LPXN: variants seen among roughly 807,000 people sequenced by gnomAD.
LPXN encodes the protein leupaxin.
Under a neutral mutation model 45.6 loss-of-function variants are expected in LPXN, and 28 were observed. The ratio of observed to expected loss-of-function variants is 0.61; its 90% CI spans 0.45 to 0.84. LPXN has a LOEUF of 0.84. LPXN is among the 40% of genes least tolerant of loss of function. The probability of loss-of-function intolerance (pLI) is 0.00; values close to 1 mark genes in which losing one functional copy is unlikely to be tolerated. For missense variants in LPXN, 459 were observed against 475.0 expected (o/e 0.97, Z 0.31); for synonymous variants, 166 against 169.9 (o/e 0.98, Z 0.18).
chr11:58,529,195 C>T (rs1283228676), intron 7 of LPXN, among the ~76,000 whole-genome samples: 1 of 152,066 alleles, frequency 6.6e-6, no homozygotes, highest in African/African-American at 2.4e-5. Flanking sequence ...ATCTGAATGA[C>T]TTACACATGT....
Position 58,566,669 on chromosome 11 carries a change from C to T in LPXN, c.172-2468G>A, listed in dbSNP as rs561247016. On this transcript the variant is annotated intron_variant, in intron 2 of 8. Transcript: ENST00000395074. ...CTTTTGATTTGTTCAACTCCTTCTT[C>T]GCTTTTGTAGGGAGAAATTTGAGCT... 5.1e-4 allele frequency among the ~76,000 whole-genome samples: 78 copies of T among 152,280 alleles called. 1 individual carries two copies. The highest frequency in any genetic ancestry group is 1.2e-3 in the Admixed American group (18 of 15,294).
chr11:58,550,548 C>T (rs1194266744), intron 5 of LPXN, among the ~76,000 whole-genome samples: 1 of 152,220 alleles, frequency 6.6e-6, no homozygotes, highest in African/African-American at 2.4e-5. Flanking sequence ...CTTTATTCCA[C>T]GCCCCATGCA....
At chr11:58,527,949 G>A in intron 8 of LPXN, 94 bp downstream of exon 8, 1 of 1,403,928 alleles carries the variant, frequency 7.1e-7, no homozygotes, top group Non-Finnish European at 9.8e-7. Context: ...TCCTCATTCA[G>A]GACTGTGAAC....
chr11:58,563,222 T>C (rs73470713), intron 3 of LPXN, among the ~76,000 whole-genome samples: 2,686 of 152,268 alleles, frequency 0.018, 91 homozygotes, highest in African/African-American at 0.061. Context: ...TGTTTTTATT[T>C]TTCATTGGGG....
chr11:58,534,283 G>A (rs769124151), intron 7 of LPXN, among the ~76,000 whole-genome samples: 20 of 152,004 alleles, frequency 1.3e-4, no homozygotes, highest in Non-Finnish European at 2.2e-4. Flanking sequence ...AGTAAAACAC[G>A]CCTCAGCAAA....
chr11:58,573,588 A>G (rs1004855286), intron 1 of LPXN, among the ~76,000 whole-genome samples: 2 of 152,190 alleles, frequency 1.3e-5, no homozygotes, highest in Admixed American at 1.3e-4. Context: ...CTGGGTCATG[A>G]GTTATAGGCT....
chr11:58,534,434 A>T (rs1423187723), intron 7 of LPXN, among the ~76,000 whole-genome samples: 2 of 152,182 alleles, frequency 1.3e-5, no homozygotes, highest in African/African-American at 4.8e-5. Flanking sequence ...CTGGGTAAAT[A>T]AAAAAATTAA....
chr11:58,538,129 TC>T (rs1423480472), intron 7 of LPXN, among the ~76,000 whole-genome samples: 1 of 152,130 alleles, frequency 6.6e-6, no homozygotes, highest in African/African-American at 2.4e-5. Context: ...TGCACAGTAT[TC>T]CATGGTGTAT....
At chr11:58,531,069 A>G (rs1486524574) in intron 7 of LPXN, among the ~76,000 whole-genome samples, 5 of 152,182 alleles carry the variant, frequency 3.3e-5, no homozygotes, top group African/African-American at 1.2e-4. Context: ...TTCAAAGACC[A>G]AACGTAGAAA....
At chr11:58,534,863 A>T (rs1590755225) in intron 7 of LPXN, among the ~76,000 whole-genome samples, 1 of 152,234 alleles carries the variant, frequency 6.6e-6, no homozygotes, top group East Asian at 1.9e-4. Flanking sequence ...ACAGAAATAC[A>T]AACTACAATC....
At chr11:58,577,993 A>G, upstream of LPXN, 1 of 1,550,268 alleles carries the variant, frequency 6.5e-7, no homozygotes, top group South Asian at 1.2e-5. Flanking sequence ...GACCTCTAGG[A>G]GCTCACAGGT....
chr11:58,578,251 ACTGCCTCCCG>A, upstream of LPXN: 1 of 567,720 alleles, frequency 1.8e-6, no homozygotes, highest in Non-Finnish European at 3.0e-6. Context: ...ACCCGGAAAC[ACTGCCTCCCG>A]AAAAAAAGGT....
intron 7 of LPXN, among the ~76,000 whole-genome samples, chr11:58,537,788 A>G (rs577733759): frequency 6.6e-6 from 1 of 152,186 alleles, no homozygotes; most frequent in South Asian, 2.1e-4. Flanking sequence ...TATTATTATT[A>G]TACTTTAAGT....
At position 58,570,571 on chromosome 11, in the gene LPXN, G is replaced by T; in HGVS notation, c.156C>A (p.Asn52Lys). ...GAAAATTTACCGGCAAGGGACTTGT[G>T]TTATCCTGAATAGAAAGGATCTCCG... The part of the protein sequence containing the change: ...ETSEILSIQD[N>K]TSPLPAQLVY... Residue 52 changes from asparagine to lysine, a missense_variant, in exon 2 of 9, where the codon AAC (asparagine) becomes AAA (lysine). Physicochemically the swap from Asn to Lys is moderately conservative, Grantham distance 94 (BLOSUM62 0). Transcript: ENST00000395074. The T allele has an allele frequency of 1.2e-6, 2 of 1,612,024 alleles. No homozygotes were observed. The highest frequency in any genetic ancestry group is 2.2e-5 in the South Asian group (2 of 90,924).
At chr11:58,578,103 T>G, upstream of LPXN, 1 of 1,538,660 alleles carries the variant, frequency 6.5e-7, no homozygotes, top group Non-Finnish European at 8.8e-7. Flanking sequence ...AAGGCAAGTC[T>G]GGGCAGTTAC....
Position 58,564,138 on chromosome 11 carries a change from A to T in LPXN, c.218+17T>A. On this transcript the variant is annotated intron_variant, in intron 3 of 8. Coordinates refer to ENST00000395074, the MANE Select transcript of LPXN (RefSeq NM_004811.3). ...CTAACTTTAATTTTTAAAAGCATTT[A>T]ATAGAAAAAAAAATACCTGTAGACA... The T allele has an allele frequency of 6.6e-7, 1 of 1,522,136 alleles. No homozygotes were observed. Among genetic ancestry groups the T allele is most frequent in the Non-Finnish European group, 9.0e-7 (1 of 1,110,954 alleles). 94.3% of individuals were successfully genotyped at this position (1,522,136 alleles called of 1,614,324 possible). A position where few individuals can be genotyped will look rare whatever the true frequency, so the allele number is the denominator to read the frequency against.
chr11:58,544,366 T>G (rs1853819442), intron 7 of LPXN, among the ~76,000 whole-genome samples: 1 of 152,188 alleles, frequency 6.6e-6, no homozygotes, highest in African/African-American at 2.4e-5. Flanking sequence ...GGGCCCAAGA[T>G]TTTGCATTTC....
At chr11:58,569,299 T>A (rs1854611194) in intron 2 of LPXN, among the ~76,000 whole-genome samples, 2 of 152,212 alleles carry the variant, frequency 1.3e-5, no homozygotes, top group African/African-American at 2.4e-5. Flanking sequence ...TATAGACTTA[T>A]CCATAGGAAG....
chr11:58,550,179 C>G, intron 5 of LPXN, 33 bp from the exon 6 acceptor site: 2 of 1,600,516 alleles, frequency 1.2e-6, no homozygotes, highest in Non-Finnish European at 1.7e-6. Flanking sequence ...ACACAGGAGG[C>G]CAGTTGAGTG....
Sources: gnomAD v4.1 joint callset for allele counts (sites outside exome capture counted in the v4.1 genomes callset) on GRCh38, gnomAD v4.1.1 for gene constraint, MANE v1.5 for transcripts, NCBI Gene and HGNC (gene_info 2026-07-23, HGNC 2026-07-21) for gene names.